Variants in SMOC2 observed in about 807,000 individuals in gnomAD.
SMOC2 encodes SPARC related modular calcium binding 2.
SMOC2 carries 39 observed loss-of-function variants against 61.4 expected under a neutral mutation model. That is an observed-to-expected ratio of 0.64 (90% CI 0.49 to 0.83). The LOEUF is 0.83. Among genes scored for constraint, SMOC2 ranks in the 40% least tolerant of loss-of-function variants. The pLI is 0.00. For synonymous variants in SMOC2, 247 were observed against 239.9 expected, an observed-to-expected ratio of 1.03 and a Z score of -0.27; for missense variants, 556 against 592.9, an observed-to-expected ratio of 0.94 and a Z score of 0.65.
chr6:168,614,496 C>T (rs1382767993), intron 9 of SMOC2, among the ~76,000 whole-genome samples: 1 of 49,494 alleles, frequency 2.0e-5, no homozygotes, highest in Non-Finnish European at 3.9e-5. Context: ...AGGGCCTCTT[C>T]ACACCTACAG....
intron 2 of SMOC2, among the ~76,000 whole-genome samples, chr6:168,514,293 G>C (rs1783079018): frequency 6.6e-6 from 1 of 151,574 alleles, no homozygotes; most frequent in Non-Finnish European, 1.5e-5. Context: ...CACACTGAAT[G>C]AGTGTCTCCT....
chr6:168,640,419 G>A (rs1011024464), intron 9 of SMOC2, among the ~76,000 whole-genome samples: 3 of 152,136 alleles, frequency 2.0e-5, no homozygotes, highest in African/African-American at 7.2e-5. Flanking sequence ...ACGCTGAGGG[G>A]CCCAGGCAGC....
chr6:168,519,028 T>C (rs558575615), intron 2 of SMOC2, among the ~76,000 whole-genome samples: 1 of 52,014 alleles, frequency 1.9e-5, no homozygotes, highest in East Asian at 3.3e-4. Flanking sequence ...TGCGAACATG[T>C]GTGTGTATGT....
intron 7 of SMOC2, among the ~76,000 whole-genome samples, chr6:168,573,092 C>T (rs1182325128): frequency 1.4e-4 from 9 of 64,476 alleles, no homozygotes; most frequent in Non-Finnish European, 1.9e-4. Context: ...TCCTTGGACG[C>T]GATGCTCATT....
At chr6:168,598,786 C>G (rs1562371515) in intron 7 of SMOC2, 32 bp from the exon 8 acceptor site, 8 of 1,611,680 alleles carry the variant, frequency 5.0e-6, no homozygotes, top group Non-Finnish European at 6.8e-6. Context: ...TCGCTGGATC[C>G]TGCTCACCTT....
At chr6:168,619,662 C>T (rs904981307) in intron 9 of SMOC2, among the ~76,000 whole-genome samples, 2 of 152,194 alleles carry the variant, frequency 1.3e-5, no homozygotes, top group East Asian at 1.9e-4. Flanking sequence ...CCTCCTATAA[C>T]GCAAGTCTCA....
At chr6:168,622,443 G>T (rs1351811978) in intron 9 of SMOC2, among the ~76,000 whole-genome samples, 1 of 151,388 alleles carries the variant, frequency 6.6e-6, no homozygotes, top group East Asian at 1.9e-4. Flanking sequence ...ATAGTCCTGT[G>T]CCTCTCCTGG....
intron 3 of SMOC2, among the ~76,000 whole-genome samples, chr6:168,526,704 C>T (rs1002221747): frequency 2.0e-5 from 3 of 152,194 alleles, no homozygotes; most frequent in Non-Finnish European, 4.4e-5. Context: ...CTGTCATTCA[C>T]ACTTTCATTA....
chr6:168,513,737 C>T (rs1018157520), intron 2 of SMOC2, among the ~76,000 whole-genome samples: 1 of 152,172 alleles, frequency 6.6e-6, no homozygotes, highest in African/African-American at 2.4e-5. Flanking sequence ...TGCTGTTCTC[C>T]ATCAGATAAC....
intron 11 of SMOC2, among the ~76,000 whole-genome samples, chr6:168,663,268 C>T (rs185991759): frequency 6.6e-6 from 1 of 152,310 alleles, no homozygotes; most frequent in East Asian, 1.9e-4. Flanking sequence ...CCAGGAAGCT[C>T]CGCTGTGCAG....
chr6:168,623,802 C>T (rs377050919), intron 9 of SMOC2, among the ~76,000 whole-genome samples: 15 of 152,256 alleles, frequency 9.9e-5, no homozygotes, highest in African/African-American at 2.6e-4. Flanking sequence ...AAAATCACTT[C>T]GACAGCCTCC....
At chr6:168,650,509 G>A (rs567886618) in intron 9 of SMOC2, among the ~76,000 whole-genome samples, 172 bp from the exon 10 acceptor site, 1 of 152,252 alleles carries the variant, frequency 6.6e-6, no homozygotes, top group Non-Finnish European at 1.5e-5. Context: ...TAATAGCTAT[G>A]GCTCAAAATC....
chr6:168,652,825 G>T, intron 10 of SMOC2, 129 bp from the exon 11 acceptor site: 1 of 755,902 alleles, frequency 1.3e-6, no homozygotes, highest in Non-Finnish European at 2.2e-6. Flanking sequence ...CTGATGACCA[G>T]TGCTGCAGGC....
chr6:168,557,655 G>T (rs1784279601), intron 7 of SMOC2, among the ~76,000 whole-genome samples: 1 of 152,158 alleles, frequency 6.6e-6, no homozygotes, highest in Non-Finnish European at 1.5e-5. Context: ...ATCACTAGTT[G>T]CTCATGGGTC....
At chr6:168,546,393 T>C (rs6926647) in intron 5 of SMOC2, among the ~76,000 whole-genome samples, 2,345 of 152,132 alleles carry the variant, frequency 0.015, 53 homozygotes, top group African/African-American at 0.054. Flanking sequence ...CTCTGAGCCA[T>C]TTAAAACCTC....
intron 1 of SMOC2, among the ~76,000 whole-genome samples, chr6:168,472,614 T>C (rs1333427652): frequency 6.6e-6 from 1 of 152,170 alleles, no homozygotes. Context: ...TTTATTCTGA[T>C]AAGACTTTCC....
At chr6:168,451,334 A>C (rs541819187) in intron 1 of SMOC2, among the ~76,000 whole-genome samples, 17 of 152,364 alleles carry the variant, frequency 1.1e-4, no homozygotes, top group Non-Finnish European at 2.1e-4. Flanking sequence ...CTGAATAGTC[A>C]TAAGAGCATG....
Position 168,452,047 on chromosome 6 carries a change from C to G in SMOC2, c.84+10593C>G, listed in dbSNP as rs1781479375. Among the ~76,000 whole-genome samples, 1 of 152,206 alleles carries G rather than the reference C, an allele frequency of 6.6e-6. No homozygotes were observed. Among genetic ancestry groups the G allele is most frequent in the Admixed American group, 6.5e-5 (1 of 15,282 alleles). On this transcript the variant is annotated intron_variant, in intron 1 of 12. Coordinates refer to ENST00000356284, the MANE Select transcript of SMOC2 (RefSeq NM_001166412.2). This position sits in a 1 kb window ranked among gnomAD's most constrained non-coding sequence, Gnocchi z 5.0. ...AGGAGGGAGCCCCAGAATGGCTGAG[C>G]TCTGTCTTTTAGGGGAGGGTCGCAT... is the stretch of plus-strand genomic sequence containing the variant.
At chr6:168,662,435 C>A (rs934949942) in intron 11 of SMOC2, among the ~76,000 whole-genome samples, 5 of 152,236 alleles carry the variant, frequency 3.3e-5, no homozygotes, top group Admixed American at 6.5e-5. Context: ...GAGCAGCCTG[C>A]AGAGGACAGC....
Sources: allele counts gnomAD v4.1 joint callset (sites outside exome capture counted in the v4.1 genomes callset), GRCh38; gene constraint gnomAD v4.1.1; non-coding constraint Gnocchi (gnomAD v3.1); transcripts MANE v1.5; gene names NCBI Gene and HGNC (gene_info 2026-07-23, HGNC 2026-07-21).